The following B3GALT1 variants were observed in gnomAD, a reference collection of about 807,000 sequenced individuals.
The protein encoded by B3GALT1 is beta-1,3-galactosyltransferase 1.
In B3GALT1, 10 loss-of-function variants were observed where a neutral mutation model predicts 23.2. The observed-to-expected ratio is 0.43, with a 90% CI of 0.27 to 0.73. B3GALT1 has a LOEUF of 0.73. Among genes scored for constraint, B3GALT1 ranks in the 30% least tolerant of loss-of-function variants. The pLI is 0.21. For missense variants in B3GALT1, 299 were observed against 405.4 expected (o/e 0.74, Z 2.25); for synonymous variants, 156 against 141.5 (o/e 1.10, Z -0.73).
chr2:167,562,288 G>A (rs1684016996), intron 2 of B3GALT1, among the ~76,000 whole-genome samples: 1 of 152,138 alleles, frequency 6.6e-6, no homozygotes, highest in African/African-American at 2.4e-5. Context: ...AATACATTAG[G>A]TATTGATGGG....
At chr2:167,854,101 C>A (rs901293607) in intron 4 of B3GALT1, among the ~76,000 whole-genome samples, 3 of 152,156 alleles carry the variant, frequency 2.0e-5, no homozygotes, top group African/African-American at 7.2e-5. Flanking sequence ...TGATATTTCT[C>A]TTGGACAATG....
intron 2 of B3GALT1, among the ~76,000 whole-genome samples, chr2:167,525,824 G>A (rs1683210717): frequency 6.6e-6 from 1 of 151,094 alleles, no homozygotes; most frequent in Non-Finnish European, 1.5e-5. Context: ...ATGTTGCCCA[G>A]GTAGGTCTCA....
intron 3 of B3GALT1, among the ~76,000 whole-genome samples, chr2:167,671,944 C>T (rs1167057580): frequency 2.0e-5 from 3 of 151,970 alleles, no homozygotes; most frequent in Admixed American, 6.5e-5. Flanking sequence ...AGAGATATCA[C>T]AATTGATACC....
intron 2 of B3GALT1, among the ~76,000 whole-genome samples, chr2:167,504,396 C>T (rs1699889810): frequency 6.6e-6 from 1 of 152,108 alleles, no homozygotes; most frequent in Non-Finnish European, 1.5e-5. Flanking sequence ...ACAAACACTA[C>T]CCAGTTTTCA....
intron 2 of B3GALT1, among the ~76,000 whole-genome samples, chr2:167,522,164 G>A (rs1337124486): frequency 1.3e-5 from 2 of 151,732 alleles, no homozygotes; most frequent in Non-Finnish European, 2.9e-5. Flanking sequence ...AAGGGAAATG[G>A]CAACCTAACT....
intron 1 of B3GALT1, among the ~76,000 whole-genome samples, chr2:167,333,619 C>G (rs1009773160): frequency 4.6e-5 from 7 of 152,150 alleles, no homozygotes; most frequent in Non-Finnish European, 8.8e-5. Flanking sequence ...ACCTGATGAC[C>G]TAGAATGGCA....
intron 2 of B3GALT1, among the ~76,000 whole-genome samples, chr2:167,550,248 A>T (rs146151117): frequency 6.6e-6 from 1 of 152,242 alleles, no homozygotes; most frequent in African/African-American, 2.4e-5. Context: ...TCAAAAAATA[A>T]TTAAGTACAC....
At chr2:167,755,241 A>C (rs1265733601) in intron 3 of B3GALT1, among the ~76,000 whole-genome samples, 2 of 152,112 alleles carry the variant, frequency 1.3e-5, no homozygotes, top group East Asian at 3.9e-4. Context: ...TAAAATACCC[A>C]GATGAATGCT....
intron 2 of B3GALT1, among the ~76,000 whole-genome samples, chr2:167,566,668 T>C (rs1339456499): frequency 6.6e-6 from 1 of 152,144 alleles, no homozygotes; most frequent in Non-Finnish European, 1.5e-5. Context: ...TTAATACCAA[T>C]GTTGTAACTA....
chr2:167,494,305 T>C (rs1051249616), intron 2 of B3GALT1, among the ~76,000 whole-genome samples: 1 of 151,090 alleles, frequency 6.6e-6, no homozygotes, highest in Non-Finnish European at 1.5e-5. Context: ...ATAAAAGATA[T>C]CAGTTATGGG....
At chr2:167,421,768 C>T (rs1344461216) in intron 1 of B3GALT1, among the ~76,000 whole-genome samples, 1 of 152,122 alleles carries the variant, frequency 6.6e-6, no homozygotes, top group Non-Finnish European at 1.5e-5. Flanking sequence ...TGAATGTTGG[C>T]TCATCAACCT....
At chr2:167,512,592 G>GTATATATATA (rs1181477049) in intron 2 of B3GALT1, among the ~76,000 whole-genome samples, 3 of 39,608 alleles carry the variant, frequency 7.6e-5, no homozygotes, top group East Asian at 2.3e-3. Context: ...ATATATATAT[G>GTATATATATA]TGTATATATA....
At chr2:167,811,404 GGTC>G (rs1688886666) in intron 3 of B3GALT1, among the ~76,000 whole-genome samples, 1 of 152,116 alleles carries the variant, frequency 6.6e-6, no homozygotes, top group Non-Finnish European at 1.5e-5. Flanking sequence ...TTCTTTTGAA[GGTC>G]TACTAAGGAA....
chr2:167,367,620 A>G (rs1298969324), intron 1 of B3GALT1, among the ~76,000 whole-genome samples: 1 of 152,224 alleles, frequency 6.6e-6, no homozygotes, highest in East Asian at 1.9e-4. Flanking sequence ...TCTATTAAGA[A>G]TTGAAAAATC....
chr2:167,716,287 T>C (rs2105249686), intron 3 of B3GALT1, among the ~76,000 whole-genome samples: 1 of 149,694 alleles, frequency 6.7e-6, no homozygotes, highest in Admixed American at 6.6e-5. Flanking sequence ...CCTGTTACAC[T>C]TTACATCCTG....
intron 1 of B3GALT1, among the ~76,000 whole-genome samples, chr2:167,401,985 TG>T (rs1559085845): frequency 6.6e-6 from 1 of 152,122 alleles, no homozygotes; most frequent in East Asian, 1.9e-4. Flanking sequence ...TGCCAATAAA[TG>T]GTTTGAGACA....
intron 2 of B3GALT1, among the ~76,000 whole-genome samples, chr2:167,554,332 T>G (rs1002865686): frequency 6.6e-6 from 1 of 152,228 alleles, no homozygotes; most frequent in Non-Finnish European, 1.5e-5. Context: ...GTTAAATTTG[T>G]ACATCTCCTT....
At chr2:167,831,228 C>A (rs1343269380) in intron 4 of B3GALT1, among the ~76,000 whole-genome samples, 4 of 152,166 alleles carry the variant, frequency 2.6e-5, no homozygotes, top group Non-Finnish European at 5.9e-5. Context: ...CCTTTATTAA[C>A]AATTTAATTC....
chr2:167,661,807 G>T (rs916892198), intron 3 of B3GALT1, among the ~76,000 whole-genome samples: 1 of 151,942 alleles, frequency 6.6e-6, no homozygotes, highest in East Asian at 1.9e-4. Flanking sequence ...AATTAGTCAG[G>T]GGTTATAGAA....
Sources: allele counts gnomAD v4.1 joint callset (sites outside exome capture counted in the v4.1 genomes callset), GRCh38; gene constraint gnomAD v4.1.1; transcripts MANE v1.5; gene names NCBI Gene and HGNC (gene_info 2026-07-23, HGNC 2026-07-21).